TSPAN18: variants seen among roughly 807,000 people sequenced by gnomAD.
TSPAN18 encodes the protein tetraspanin-18.
In TSPAN18, 14 loss-of-function variants were observed where a neutral mutation model predicts 27.3. That is an observed-to-expected ratio of 0.51 (90% CI 0.34 to 0.80). The LOEUF (loss-of-function observed/expected upper bound fraction) is 0.80. Among genes scored for constraint, TSPAN18 ranks in the 30% least tolerant of loss-of-function variants. The pLI is 0.01. For synonymous variants in TSPAN18, 143 were observed against 136.5 expected (o/e 1.05, Z -0.33); for missense variants, 268 against 323.9 (o/e 0.83, Z 1.32).
At chr11:44,843,254 T>C (rs1394479653) in intron 2 of TSPAN18, among the ~76,000 whole-genome samples, 1 of 152,118 alleles carries the variant, frequency 6.6e-6, no homozygotes, top group Admixed American at 6.5e-5. Context: ...AGAGGGAAAT[T>C]TTAAAGCTGG....
intron 2 of TSPAN18, among the ~76,000 whole-genome samples, chr11:44,848,860 CT>C (rs1293351345): frequency 3.3e-5 from 5 of 152,214 alleles, no homozygotes; most frequent in Non-Finnish European, 5.9e-5. Flanking sequence ...CCCCACCCCC[CT>C]GGCCCTGTCT....
intron 2 of TSPAN18, among the ~76,000 whole-genome samples, chr11:44,775,321 G>C (rs574619986): frequency 8.5e-5 from 13 of 152,274 alleles, no homozygotes; most frequent in African/African-American, 2.6e-4. Flanking sequence ...TGGGAACCCC[G>C]TACCTGGAGT....
chr11:44,811,040 G>A (rs961867610), intron 2 of TSPAN18, among the ~76,000 whole-genome samples: 2 of 151,674 alleles, frequency 1.3e-5, no homozygotes, highest in East Asian at 1.9e-4. Context: ...GCTGATATCC[G>A]TCTCATCCCA....
intron 2 of TSPAN18, among the ~76,000 whole-genome samples, chr11:44,843,252 A>T (rs1022279764): frequency 6.6e-5 from 10 of 152,130 alleles, no homozygotes; most frequent in African/African-American, 2.4e-4. Flanking sequence ...AAAGAGGGAA[A>T]TTTTAAAGCT....
chr11:44,922,586 G>A (rs1380633682), intron 8 of TSPAN18, among the ~76,000 whole-genome samples: 3 of 152,190 alleles, frequency 2.0e-5, no homozygotes, highest in Non-Finnish European at 4.4e-5. Context: ...GGTGGACCTG[G>A]GTAGACAGGG....
intron 2 of TSPAN18, among the ~76,000 whole-genome samples, chr11:44,806,807 G>A (rs965278381): frequency 1.3e-5 from 2 of 152,120 alleles, no homozygotes; most frequent in Admixed American, 6.5e-5. Context: ...ATAACTTTTC[G>A]AGCTGGTTCC....
intron 2 of TSPAN18, among the ~76,000 whole-genome samples, chr11:44,818,548 G>A (rs967537433): frequency 6.6e-6 from 1 of 152,132 alleles, no homozygotes; most frequent in Non-Finnish European, 1.5e-5. Context: ...CTGGCTCCTG[G>A]CTTCTCTCCT....
At chr11:44,812,986 C>T (rs1046058922) in intron 2 of TSPAN18, among the ~76,000 whole-genome samples, 17 of 152,206 alleles carry the variant, frequency 1.1e-4, no homozygotes, top group Admixed American at 4.6e-4. Context: ...TGCGGCTCCC[C>T]GACACCAGGC....
chr11:44,914,061 G>T (rs10769094), intron 5 of TSPAN18, among the ~76,000 whole-genome samples: 83,641 of 152,156 alleles, frequency 0.55, 23,530 homozygotes, highest in East Asian at 0.83. Flanking sequence ...CCAGGCCTTG[G>T]GCTTGGGGAG....
chr11:44,834,960 A>C (rs1245467549), intron 2 of TSPAN18, among the ~76,000 whole-genome samples: 6 of 152,216 alleles, frequency 3.9e-5, no homozygotes, highest in Non-Finnish European at 7.3e-5. Context: ...TCCCACAGGG[A>C]AACCTGTAAG....
intron 1 of TSPAN18, among the ~76,000 whole-genome samples, chr11:44,731,596 T>TTGTGTG (rs796756282): frequency 1.6e-4 from 19 of 117,974 alleles, no homozygotes; most frequent in African/African-American, 4.8e-4. Flanking sequence ...GGGGCCTGGA[T>TTGTGTG]TGTGTGTGTG....
At chr11:44,791,306 T>C (rs924924051) in intron 2 of TSPAN18, among the ~76,000 whole-genome samples, 2 of 152,204 alleles carry the variant, frequency 1.3e-5, no homozygotes, top group African/African-American at 4.8e-5. Context: ...AATCTGCTCC[T>C]CCCACTTTGG....
At chr11:44,864,011 G>A (rs1161854381) in intron 3 of TSPAN18, among the ~76,000 whole-genome samples, 6 of 152,112 alleles carry the variant, frequency 3.9e-5, no homozygotes, top group East Asian at 1.9e-4. Flanking sequence ...GATGGGGACC[G>A]GGCACGGTGG....
chr11:44,928,965 T>G (rs1700321103), intron 9 of TSPAN18, among the ~76,000 whole-genome samples, 166 bp from the exon 10 acceptor site: 1 of 152,126 alleles, frequency 6.6e-6, no homozygotes, highest in African/African-American at 2.4e-5. Context: ...GGAAGCCAGG[T>G]AGGGGCTGGT....
At chr11:44,899,349 A>T (rs1859174783) in intron 3 of TSPAN18, among the ~76,000 whole-genome samples, 1 of 152,234 alleles carries the variant, frequency 6.6e-6, no homozygotes, top group Non-Finnish European at 1.5e-5. Flanking sequence ...AACCCAAGAC[A>T]CTTGCCCCTT....
chr11:44,908,592 G>A (rs772413920), intron 4 of TSPAN18, among the ~76,000 whole-genome samples: 13 of 149,364 alleles, frequency 8.7e-5, no homozygotes, highest in East Asian at 2.0e-4. Context: ...AAAATTAGCC[G>A]GGTGTAGTGG....
At position 44,873,515 on chromosome 11, in the gene TSPAN18, T is replaced by C. The variant is rs559180464; in HGVS notation, c.-11+13046T>C. Among the ~76,000 whole-genome samples, 8 of 152,334 alleles carry C rather than the reference T, an allele frequency of 5.3e-5. No individual in the cohort carries two copies. In the South Asian group the frequency reaches 1.7e-3, roughly 32 times the overall value. The stretch of plus-strand genomic sequence containing the variant: ...ACTCATAGCAGACAAACCCCTTGAC[T>C]GGGGACAAAGAAAGCAGCATGGAAG... On this transcript the variant is annotated intron_variant, in intron 3 of 9. Transcript: ENST00000520358.
intron 2 of TSPAN18, among the ~76,000 whole-genome samples, chr11:44,809,576 C>A (rs1056818664): frequency 6.6e-6 from 1 of 152,176 alleles, no homozygotes; most frequent in Non-Finnish European, 1.5e-5. Context: ...TGATGCTGAA[C>A]ATTAGTACAG....
At chr11:44,729,485 G>A (rs927806984) in intron 1 of TSPAN18, among the ~76,000 whole-genome samples, 1 of 152,108 alleles carries the variant, frequency 6.6e-6, no homozygotes, top group Non-Finnish European at 1.5e-5. Flanking sequence ...CTGTGTTTGG[G>A]CTTAAAGTAT....
Sources: allele counts gnomAD v4.1 joint callset (sites outside exome capture counted in the v4.1 genomes callset), GRCh38; gene constraint gnomAD v4.1.1; transcripts MANE v1.5; gene names NCBI Gene and HGNC (gene_info 2026-07-23, HGNC 2026-07-21).